MINDY4: variants seen among roughly 807,000 people sequenced by gnomAD.
The protein encoded by MINDY4 is MINDY lysine 48 deubiquitinase 4, also known as probable ubiquitin carboxyl-terminal hydrolase MINDY-4.
In MINDY4, 68 loss-of-function variants were observed where a neutral mutation model predicts 87.0. The ratio of observed to expected loss-of-function variants is 0.78; its 90% CI spans 0.64 to 0.96. The LOEUF is 0.96. Among genes scored for constraint, MINDY4 ranks in the 40% least tolerant of loss-of-function variants. The pLI is 0.00. For missense variants in MINDY4, 919 were observed against 928.2 expected (o/e 0.99, Z 0.13); for synonymous variants, 379 against 363.2 (o/e 1.04, Z -0.50).
At chr7:30,872,011 CCAT>C (rs1790120590) in intron 13 of MINDY4, among the ~76,000 whole-genome samples, 4 of 152,072 alleles carry the variant, frequency 2.6e-5, no homozygotes, top group Admixed American at 2.6e-4. Flanking sequence ...GGAGTGGAGG[CCAT>C]TGCCCAGAGA....
intron 5 of MINDY4, among the ~76,000 whole-genome samples, chr7:30,797,573 G>GTTTT (rs1365692794): frequency 6.6e-6 from 1 of 152,066 alleles, no homozygotes; most frequent in Admixed American, 6.6e-5. Context: ...GAGGGAGAGA[G>GTTTT]GAAAAAAAGC....
chr7:30,852,157 G>C, intron 10 of MINDY4, 59 bp from the exon 11 acceptor site: 1 of 1,606,476 alleles, frequency 6.2e-7, no homozygotes, highest in Non-Finnish European at 8.5e-7. Flanking sequence ...TTTCGCCCCG[G>C]CTGGAGGGCA....
chr7:30,877,697 T>TC (rs1554285653), intron 15 of MINDY4, among the ~76,000 whole-genome samples: 83 of 148,014 alleles, frequency 5.6e-4, no homozygotes, highest in Middle Eastern at 3.4e-3. Flanking sequence ...TTTTTTTTTT[T>TC]TTGAGACAAG....
chr7:30,785,827 G>C lies in MINDY4; in HGVS notation c.498G>C (p.Gln166His). Reference protein sequence around the residue: ...KRPPHKSKPMQTVPGETPVLT... With the variant: ...KRPPHKSKPMHTVPGETPVLT... ...CCCCGCACAAAAGTAAGCCCATGCA[G>C]ACGGTCCCGGGTGAAACTCCTGTGT... The change falls in exon 4 of 18, where the codon CAG (glutamine) becomes CAC (histidine). Residue 166 changes from glutamine to histidine, a missense_variant. By Grantham distance (24) the Gln-to-His change is conservative (BLOSUM62 0). Transcript: ENST00000265299. 1 of 1,614,242 alleles carries C rather than the reference G, an allele frequency of 6.2e-7. No individual in the cohort carries two copies. Among genetic ancestry groups the C allele is most frequent in the Non-Finnish European group, 8.5e-7 (1 of 1,180,044 alleles).
intron 17 of MINDY4, among the ~76,000 whole-genome samples, chr7:30,885,528 C>CA (rs934672730): frequency 6.6e-6 from 1 of 152,230 alleles, no homozygotes; most frequent in Middle Eastern, 3.4e-3. Flanking sequence ...AACAAACAAA[C>CA]AAAAAACCCA....
intron 12 of MINDY4, chr7:30,857,659 A>G (rs1789619794): frequency 1.4e-5 from 1 of 70,676 alleles, no homozygotes; most frequent in South Asian, 5.9e-4. Flanking sequence ...TTTTTAGTAG[A>G]GACGGGGTCT....
At chr7:30,877,473 G>A (rs1790298101) in intron 15 of MINDY4, among the ~76,000 whole-genome samples, 2 of 152,108 alleles carry the variant, frequency 1.3e-5, no homozygotes, top group South Asian at 2.1e-4. Context: ...TCTGTGCTCA[G>A]CTGAGGACTG....
chr7:30,805,632 G>A (rs1455616243), intron 5 of MINDY4, among the ~76,000 whole-genome samples: 1 of 152,144 alleles, frequency 6.6e-6, no homozygotes, highest in African/African-American at 2.4e-5. Flanking sequence ...GAGAGGTTGG[G>A]AGGTCACTGG....
At chr7:30,808,228 G>T (rs560844981) in intron 5 of MINDY4, among the ~76,000 whole-genome samples, 17 of 152,316 alleles carry the variant, frequency 1.1e-4, no homozygotes, top group African/African-American at 4.1e-4. Context: ...GGCACTTGGA[G>T]TCCGGACATC....
At chr7:30,839,157 T>C (rs1788957802) in intron 7 of MINDY4, 43 bp from the exon 8 acceptor site, 8 of 1,359,272 alleles carry the variant, frequency 5.9e-6, no homozygotes, top group Non-Finnish European at 7.2e-6. Context: ...GTATTGTTGC[T>C]TGCTTTTAAA....
chr7:30,774,004 G>A (rs62446928), intron 1 of MINDY4, among the ~76,000 whole-genome samples: 23,152 of 151,950 alleles, frequency 0.15, 2,696 homozygotes, highest in African/African-American at 0.32. Context: ...CTACACTTGC[G>A]CCCATAGAGC....
chr7:30,839,123 G>A lies in MINDY4; in HGVS notation c.1240-77G>A, dbSNP rs377125728. On this transcript the variant is annotated intron_variant, in intron 7 of 17. Transcript: ENST00000265299. ...CTGCTAGAATTCAAGAACAACTTCT[G>A]CAGGAATATGCACACTGAACATCGT... 5.7e-6 allele frequency: 5 copies of A among 873,824 alleles called. No homozygotes were observed. In the South Asian group the frequency reaches 8.3e-5, roughly 14 times the overall value. The allele number at this position is 873,824 out of a possible 1,614,324, so 54.1% of individuals were successfully genotyped here. A position where few individuals can be genotyped will look rare whatever the true frequency, so the allele number is the denominator to read the frequency against.
chr7:30,877,057 T>A (rs911587345), intron 15 of MINDY4, among the ~76,000 whole-genome samples: 1 of 152,124 alleles, frequency 6.6e-6, no homozygotes, highest in African/African-American at 2.4e-5. Context: ...AAAAGCAGAC[T>A]TCTGGGTCCC....
chr7:30,880,435 A>G (rs1242438870), intron 15 of MINDY4, among the ~76,000 whole-genome samples: 1 of 152,102 alleles, frequency 6.6e-6, no homozygotes, highest in Non-Finnish European at 1.5e-5. Context: ...TCATTTATAA[A>G]GTCTGTGGGC....
intron 12 of MINDY4, among the ~76,000 whole-genome samples, chr7:30,855,072 C>T (rs1435187274): frequency 1.3e-5 from 2 of 152,260 alleles, no homozygotes; most frequent in African/African-American, 4.8e-5. Flanking sequence ...AGTAGGCCAA[C>T]TGCTGATGCG....
chr7:30,799,985 C>T lies in MINDY4; in HGVS notation c.1073+8411C>T, dbSNP rs150686362. On this transcript the variant is annotated intron_variant, in intron 5 of 17. Coordinates refer to ENST00000265299, the MANE Select transcript of MINDY4 (RefSeq NM_032222.3). ...GTGAGCTTTTTGTGCCCCTCTTAGTCATTGGCTGTGGGCTGCCCATCCTGG... is the reference window on the plus strand; with the variant it reads ...GTGAGCTTTTTGTGCCCCTCTTAGTTATTGGCTGTGGGCTGCCCATCCTGG... Among the ~76,000 whole-genome samples, 32 of 152,248 alleles carry T rather than the reference C, an allele frequency of 2.1e-4. No homozygotes were observed. In the East Asian group the frequency reaches 6.2e-3, roughly 29 times the overall value.
intron 5 of MINDY4, among the ~76,000 whole-genome samples, chr7:30,817,497 C>T (rs1788189725): frequency 6.6e-6 from 1 of 151,402 alleles, no homozygotes; most frequent in Admixed American, 6.6e-5. Context: ...TTCATGAGAG[C>T]TGTTGAAGTG....
At chr7:30,883,765 G>A (rs1790545719) in intron 17 of MINDY4, among the ~76,000 whole-genome samples, 1 of 152,202 alleles carries the variant, frequency 6.6e-6, no homozygotes, top group African/African-American at 2.4e-5. Flanking sequence ...CCGGGAGGGA[G>A]AGGCCTGGAT....
intron 2 of MINDY4, chr7:30,780,370 A>G (rs993213204): frequency 1.3e-5 from 2 of 152,154 alleles, no homozygotes; most frequent in African/African-American, 2.4e-5. Flanking sequence ...TACCTTACCT[A>G]ATTTCCCAAA....
Sources: allele counts gnomAD v4.1 joint callset (sites outside exome capture counted in the v4.1 genomes callset), GRCh38; gene constraint gnomAD v4.1.1; transcripts MANE v1.5; gene names NCBI Gene and HGNC (gene_info 2026-07-23, HGNC 2026-07-21).